PIP4K2A: variants seen among roughly 807,000 people sequenced by gnomAD.
PIP4K2A encodes phosphatidylinositol 5-phosphate 4-kinase type-2 alpha.
Under a neutral mutation model 42.9 loss-of-function variants are expected in PIP4K2A, and 14 were observed. The ratio of observed to expected loss-of-function variants is 0.33; its 90% CI spans 0.22 to 0.51. The LOEUF (loss-of-function observed/expected upper bound fraction) is 0.51. PIP4K2A is among the 20% of genes least tolerant of loss of function. The probability of loss-of-function intolerance (pLI) is 0.97; values close to 1 mark genes in which losing one functional copy is unlikely to be tolerated. For synonymous variants in PIP4K2A, 192 were observed against 192.2 expected (o/e 1.00, Z 0.01); for missense variants, 434 against 519.8 (o/e 0.83, Z 1.61).
chr10:22,679,414 T>A (rs1199649068), intron 1 of PIP4K2A, among the ~76,000 whole-genome samples: 1 of 152,168 alleles, frequency 6.6e-6, no homozygotes, highest in Non-Finnish European at 1.5e-5. Flanking sequence ...GGACAGACAA[T>A]ATCAAGTATT....
At chr10:22,683,112 T>C (rs894630387) in intron 1 of PIP4K2A, among the ~76,000 whole-genome samples, 5 of 151,602 alleles carry the variant, frequency 3.3e-5, no homozygotes, top group South Asian at 2.1e-4. Context: ...GACAGTACAG[T>C]ATAAATAAAA....
intron 4 of PIP4K2A, among the ~76,000 whole-genome samples, chr10:22,574,444 G>GGTT (rs1837063816): frequency 7.0e-6 from 1 of 142,350 alleles, no homozygotes; most frequent in Admixed American, 6.9e-5. Flanking sequence ...TTCATTTTCT[G>GGTT]TTTTTTTTTT....
intron 1 of PIP4K2A, among the ~76,000 whole-genome samples, chr10:22,648,323 C>A (rs1476468414): frequency 1.3e-5 from 2 of 152,152 alleles, no homozygotes; most frequent in South Asian, 4.1e-4. Flanking sequence ...TTCCTTAAGT[C>A]TGCTTAGTAG....
chr10:22,629,379 ACCT>A (rs1329438330), intron 1 of PIP4K2A, among the ~76,000 whole-genome samples: 1 of 152,214 alleles, frequency 6.6e-6, no homozygotes, highest in Non-Finnish European at 1.5e-5. Context: ...CTGCAGTCAT[ACCT>A]CGAGTCATAC....
chr10:22,664,218 C>T (rs11591773), intron 1 of PIP4K2A, among the ~76,000 whole-genome samples: 499 of 26,086 alleles, frequency 0.019, 55 homozygotes, highest in African/African-American at 0.076. Context: ...TATATATATA[C>T]ATATATATAT....
chr10:22,608,641 G>A (rs1246767844), intron 2 of PIP4K2A, among the ~76,000 whole-genome samples: 2 of 152,196 alleles, frequency 1.3e-5, no homozygotes, highest in Admixed American at 6.5e-5. Flanking sequence ...GGAGACTGAG[G>A]TGGGAGGATT....
chr10:22,556,544 G>C (rs2130771115), intron 6 of PIP4K2A, among the ~76,000 whole-genome samples: 1 of 152,270 alleles, frequency 6.6e-6, no homozygotes, highest in Middle Eastern at 3.4e-3. Context: ...TCTGGCCAAA[G>C]ACAGAAATTT....
rs367626292 is a variant in PIP4K2A, at chr10:22,587,421, CAAG to C, written c.492+4205_492+4207del. Among the ~76,000 whole-genome samples, 59 of 152,180 alleles carry C rather than the reference CAAG, an allele frequency of 3.9e-4. No individual in the cohort carries two copies. The East Asian group carries it at 0.011, about 29-fold the overall frequency. On this transcript the variant is annotated intron_variant, in intron 4 of 9. Coordinates refer to ENST00000376573, the MANE Select transcript of PIP4K2A (RefSeq NM_005028.5). The stretch of plus-strand genomic sequence containing the variant: ...GTTCCAAGGCAAAAGCAACAACAAG[CAAG>C]AAGAAACAGAAGAAATGATGATCAC...
intron 7 of PIP4K2A, among the ~76,000 whole-genome samples, chr10:22,542,846 C>CA (rs767972209): frequency 1.6e-3 from 245 of 152,348 alleles, no homozygotes; most frequent in Admixed American, 4.6e-3. Context: ...CAAACAGTGG[C>CA]AGCCCATCTG....
chr10:22,567,706 C>G (rs1212394948), intron 6 of PIP4K2A, 145 bp downstream of exon 6: 1 of 787,542 alleles, frequency 1.3e-6, no homozygotes, highest in Admixed American at 1.7e-5. Flanking sequence ...CGGGTCAATA[C>G]AGTGTTTCTC....
chr10:22,634,857 A>G (rs1333700137), intron 1 of PIP4K2A, among the ~76,000 whole-genome samples: 2 of 152,194 alleles, frequency 1.3e-5, no homozygotes, highest in Non-Finnish European at 2.9e-5. Context: ...GTCAAGTTTC[A>G]TCTTAAGTAA....
At chr10:22,599,931 A>G (rs1345589787) in intron 3 of PIP4K2A, among the ~76,000 whole-genome samples, 1 of 152,190 alleles carries the variant, frequency 6.6e-6, no homozygotes, top group African/African-American at 2.4e-5. Flanking sequence ...AAAAGGATTA[A>G]CGATGCTGTC....
At chr10:22,646,433 C>T (rs1332983002) in intron 1 of PIP4K2A, among the ~76,000 whole-genome samples, 1 of 152,122 alleles carries the variant, frequency 6.6e-6, no homozygotes, top group Non-Finnish European at 1.5e-5. Context: ...CAGCTCATTT[C>T]GTATTTGGTT....
chr10:22,538,158 C>T (rs1295458837), intron 9 of PIP4K2A, among the ~76,000 whole-genome samples: 1 of 152,218 alleles, frequency 6.6e-6, no homozygotes, highest in Non-Finnish European at 1.5e-5. Context: ...TGTAATATTT[C>T]CAGGCCTCGG....
intron 1 of PIP4K2A, among the ~76,000 whole-genome samples, chr10:22,709,454 C>G (rs1416007081): frequency 6.6e-6 from 1 of 152,144 alleles, no homozygotes; most frequent in African/African-American, 2.4e-5. Context: ...GCACCAATTC[C>G]CTTCAATTCC....
At chr10:22,548,468 TAGGTCACAGATAACCCTA>T (rs1836309251) in intron 7 of PIP4K2A, among the ~76,000 whole-genome samples, 1 of 152,224 alleles carries the variant, frequency 6.6e-6, no homozygotes, top group South Asian at 2.1e-4. Flanking sequence ...ATTTTTTTAA[TAGGTCACAGATAACCCTA>T]AGGGCTACTT....
chr10:22,607,805 C>T, intron 3 of PIP4K2A, 122 bp downstream of exon 3: 1 of 591,530 alleles, frequency 1.7e-6, no homozygotes, highest in Middle Eastern at 2.9e-4. Context: ...ACTTCTTACA[C>T]AAAATGAAAA....
intron 1 of PIP4K2A, among the ~76,000 whole-genome samples, chr10:22,699,006 A>G (rs2130912940): frequency 6.6e-6 from 1 of 152,346 alleles, no homozygotes; most frequent in Admixed American, 6.5e-5. Flanking sequence ...ATTCATTGGC[A>G]TGTGTTAAAT....
chr10:22,645,613 A>G (rs896270811), intron 1 of PIP4K2A, among the ~76,000 whole-genome samples: 3 of 151,778 alleles, frequency 2.0e-5, no homozygotes, highest in African/African-American at 4.8e-5. Flanking sequence ...AGGAATGAAA[A>G]CAAGTAGAAT....
Sources: gnomAD v4.1 joint callset for allele counts (sites outside exome capture counted in the v4.1 genomes callset) on GRCh38, gnomAD v4.1.1 for gene constraint, MANE v1.5 for transcripts, NCBI Gene and HGNC (gene_info 2026-07-23, HGNC 2026-07-21) for gene names.